The following AUTS2 variants were observed in gnomAD, a reference collection of about 807,000 sequenced individuals.
AUTS2 encodes the protein activator of transcription and developmental regulator AUTS2.
Under a neutral mutation model 112.4 loss-of-function variants are expected in AUTS2, and 17 were observed. The observed-to-expected ratio is 0.15, with a 90% CI of 0.10 to 0.23. AUTS2 has a LOEUF of 0.23. Among genes scored for constraint, AUTS2 ranks in the 10% least tolerant of loss-of-function variants. The probability of loss-of-function intolerance (pLI) is 1.00; values close to 1 mark genes in which losing one functional copy is unlikely to be tolerated. For missense variants in AUTS2, 1,510 were observed against 1,701.6 expected (o/e 0.89, Z 1.98); for synonymous variants, 751 against 702.7 (o/e 1.07, Z -1.09).
chr7:69,895,296 G>C (rs1416691111), intron 1 of AUTS2, among the ~76,000 whole-genome samples: 2 of 152,046 alleles, frequency 1.3e-5, no homozygotes, highest in African/African-American at 4.8e-5. Context: ...CTTTATAAAT[G>C]GTAAGCAGTC....
intron 4 of AUTS2, among the ~76,000 whole-genome samples, chr7:70,303,434 G>GCACACACACA (rs1427875852): frequency 0.016 from 2,331 of 141,982 alleles, 32 homozygotes; most frequent in Middle Eastern, 0.025. Flanking sequence ...GCGCGCGCGC[G>GCACACACACA]CACATACACA....
chr7:70,713,352 A>G (rs1810168688), intron 6 of AUTS2, among the ~76,000 whole-genome samples: 1 of 152,262 alleles, frequency 6.6e-6, no homozygotes, highest in African/African-American at 2.4e-5. Flanking sequence ...TTGTAGAACA[A>G]TGGGCAGAAG....
At chr7:70,689,982 G>A (rs983702294) in intron 5 of AUTS2, among the ~76,000 whole-genome samples, 2 of 152,096 alleles carry the variant, frequency 1.3e-5, no homozygotes, top group African/African-American at 2.4e-5. Context: ...TGGTCTCCAC[G>A]GTAATCAAAA....
intron 5 of AUTS2, among the ~76,000 whole-genome samples, chr7:70,522,275 AAC>A (rs1799675178): frequency 1.3e-5 from 2 of 152,350 alleles, no homozygotes; most frequent in South Asian, 4.1e-4. Context: ...CTAAGAAAAA[AAC>A]ACAGATATGG....
chr7:70,004,843 A>ATTTATT (rs1799472284), intron 2 of AUTS2, among the ~76,000 whole-genome samples: 2 of 140,902 alleles, frequency 1.4e-5, no homozygotes, highest in African/African-American at 5.7e-5. Flanking sequence ...ATTTATTTAG[A>ATTTATT]GACCGAGTTT....
chr7:69,646,301 ATG>A (rs1795019320), intron 1 of AUTS2, among the ~76,000 whole-genome samples: 1 of 152,212 alleles, frequency 6.6e-6, no homozygotes, highest in Admixed American at 6.5e-5. Context: ...TCTTTAAATA[ATG>A]TATTAGGAAC....
intron 4 of AUTS2, among the ~76,000 whole-genome samples, chr7:70,264,596 T>C (rs182186730): frequency 6.6e-6 from 1 of 152,342 alleles, no homozygotes. Flanking sequence ...TTATCTAGGT[T>C]TTCAATCTGT....
intron 4 of AUTS2, among the ~76,000 whole-genome samples, chr7:70,344,077 G>A (rs1346749245): frequency 6.6e-6 from 1 of 152,064 alleles, no homozygotes; most frequent in Non-Finnish European, 1.5e-5. Context: ...GCAGGTTCAG[G>A]ATCAGTACTG....
intron 2 of AUTS2, among the ~76,000 whole-genome samples, chr7:69,956,910 T>C (rs1213346202): frequency 1.4e-5 from 2 of 140,136 alleles, no homozygotes; most frequent in Non-Finnish European, 3.2e-5. Context: ...TTGTCCAGGC[T>C]GTAATGCAGT....
intron 5 of AUTS2, among the ~76,000 whole-genome samples, chr7:70,522,333 A>G (rs1479965975): frequency 6.6e-6 from 1 of 152,170 alleles, no homozygotes; most frequent in Non-Finnish European, 1.5e-5. Flanking sequence ...TTCAGGGGGT[A>G]TATGTGTAGG....
intron 2 of AUTS2, among the ~76,000 whole-genome samples, chr7:70,073,080 C>A (rs1802861450): frequency 1.4e-5 from 2 of 141,372 alleles, no homozygotes; most frequent in South Asian, 2.5e-4. Context: ...CCCTCTCCTC[C>A]CCTCCTTTCT....
At chr7:70,077,409 T>C (rs1044866981) in intron 2 of AUTS2, among the ~76,000 whole-genome samples, 2 of 152,206 alleles carry the variant, frequency 1.3e-5, no homozygotes, top group African/African-American at 4.8e-5. Flanking sequence ...ATGCTGACTT[T>C]ACACAGTGTT....
intron 4 of AUTS2, among the ~76,000 whole-genome samples, chr7:70,231,147 T>C (rs1812027627): frequency 6.6e-6 from 1 of 152,258 alleles, no homozygotes; most frequent in African/African-American, 2.4e-5. Context: ...TCATTGTTTA[T>C]TTTTGTGGCA....
intron 5 of AUTS2, among the ~76,000 whole-genome samples, chr7:70,615,463 A>G (rs1804307756): frequency 6.6e-6 from 1 of 152,134 alleles, no homozygotes; most frequent in South Asian, 2.1e-4. Flanking sequence ...TGGGGAAGCA[A>G]TGTCTTTAGT....
intron 1 of AUTS2, 78 bp downstream of exon 1, chr7:69,600,040 C>T (rs1466355095): frequency 4.2e-6 from 6 of 1,441,248 alleles, no homozygotes; most frequent in East Asian, 4.8e-5. Flanking sequence ...CTGCCTCCCT[C>T]GCCGCGCTCC....
At chr7:70,662,933 G>A (rs1172599062) in intron 5 of AUTS2, among the ~76,000 whole-genome samples, 2 of 152,156 alleles carry the variant, frequency 1.3e-5, no homozygotes. Flanking sequence ...AAAGATACCT[G>A]TATTTTGCTC....
chr7:70,334,773 G>A (rs958624702), intron 4 of AUTS2, among the ~76,000 whole-genome samples: 2 of 152,082 alleles, frequency 1.3e-5, no homozygotes, highest in Non-Finnish European at 2.9e-5. Flanking sequence ...GAGTTTTTTG[G>A]TACTGTGTGA....
chr7:70,768,038 T>A lies in AUTS2; in HGVS notation c.1704T>A (p.Pro568=). 1.2e-6 allele frequency: 2 copies of A among 1,609,078 alleles called. No individual in the cohort carries two copies. Among genetic ancestry groups the A allele is most frequent in the Non-Finnish European group, 1.7e-6 (2 of 1,178,504 alleles). ...TPAPPMFDKY[P]TKVDPFYRHS... ...TCCCTTTACAGTTTGACAAATACCC[T>A]ACAAAAGTTGACCCATTCTACCGGC... Residue 568 remains proline, a synonymous_variant, in exon 10 of 19, where the codon CCT becomes CCA. Transcript: ENST00000342771.
intron 5 of AUTS2, among the ~76,000 whole-genome samples, chr7:70,588,727 C>T (rs1802797344): frequency 6.6e-6 from 1 of 152,114 alleles, no homozygotes; most frequent in South Asian, 2.1e-4. Context: ...CATAATGTCA[C>T]AGATAATCTT....
Sources: allele counts gnomAD v4.1 joint callset (sites outside exome capture counted in the v4.1 genomes callset), GRCh38; gene constraint gnomAD v4.1.1; transcripts MANE v1.5; gene names NCBI Gene and HGNC (gene_info 2026-07-23, HGNC 2026-07-21).